PDIA5: variants seen among roughly 807,000 people sequenced by gnomAD.
PDIA5 encodes the protein protein disulfide isomerase family A member 5.
PDIA5 carries 58 observed loss-of-function variants against 77.6 expected under a neutral mutation model. That is an observed-to-expected ratio of 0.75 (90% confidence interval 0.61 to 0.93). The LOEUF (loss-of-function observed/expected upper bound fraction) is 0.93, where lower values mean the gene tolerates loss of function less well. Among genes scored for constraint, PDIA5 ranks in the 40% least tolerant of loss-of-function variants. The pLI, the probability that PDIA5 is intolerant of heterozygous loss-of-function variation, is 0.00. For synonymous variants in PDIA5, 250 were observed against 252.1 expected (o/e 0.99, Z 0.08); for missense variants, 630 against 647.7 (o/e 0.97, Z 0.30).
chr3:123,150,438 A>C (rs1576465179), intron 14 of PDIA5, 74 bp downstream of exon 14: 1 of 1,464,908 alleles, frequency 6.8e-7, no homozygotes. Flanking sequence ...AGACCCGCAC[A>C]CCCACCCCAG....
intron 3 of PDIA5, among the ~76,000 whole-genome samples, chr3:123,100,251 G>A (rs1269255176): frequency 6.6e-6 from 1 of 152,250 alleles, no homozygotes; most frequent in Non-Finnish European, 1.5e-5. Flanking sequence ...TTCTCAAACA[G>A]ACCCACCACC....
chr3:123,148,931 A>G (rs986039176), intron 13 of PDIA5, among the ~76,000 whole-genome samples: 2 of 152,228 alleles, frequency 1.3e-5, no homozygotes, highest in African/African-American at 2.4e-5. Context: ...TGGCATTTAC[A>G]GGCAGGTGCA....
At chr3:123,091,587 G>A (rs917895281) in intron 2 of PDIA5, among the ~76,000 whole-genome samples, 2 of 152,120 alleles carry the variant, frequency 1.3e-5, no homozygotes, top group Admixed American at 6.5e-5. Flanking sequence ...AGTAGTATCC[G>A]GGTGCCTTGC....
intron 8 of PDIA5, among the ~76,000 whole-genome samples, chr3:123,120,023 C>G (rs1305596985): frequency 2.6e-5 from 4 of 152,198 alleles, no homozygotes; most frequent in Non-Finnish European, 5.9e-5. Context: ...TCTGTCCCAT[C>G]TACTCCTGCT....
chr3:123,152,099 GCC>G (rs1935926416), intron 14 of PDIA5, among the ~76,000 whole-genome samples: 1 of 79,508 alleles, frequency 1.3e-5, no homozygotes, highest in Non-Finnish European at 2.7e-5. Context: ...CTGCCTTCCT[GCC>G]TTCCTTCCTT....
chr3:123,157,043 G>A (rs957445101), intron 15 of PDIA5, among the ~76,000 whole-genome samples: 3 of 152,200 alleles, frequency 2.0e-5, no homozygotes, highest in African/African-American at 7.2e-5. Context: ...TTGCTTGATT[G>A]TCTTGGGCCA....
intron 3 of PDIA5, among the ~76,000 whole-genome samples, chr3:123,101,561 C>T (rs898111079): frequency 1.3e-5 from 2 of 152,178 alleles, no homozygotes; most frequent in Admixed American, 6.5e-5. Flanking sequence ...GGCCAGATTT[C>T]ATAACTTCTT....
Position 123,145,691 on chromosome 3 carries a change from G to T in PDIA5, c.981+99G>T, listed in dbSNP as rs556748291. 15 of 1,004,630 alleles carry T rather than the reference G, an allele frequency of 1.5e-5. No homozygotes were observed. In the South Asian group the frequency reaches 1.8e-4, roughly 12 times the overall value. 62.2% of individuals were successfully genotyped at this position (1,004,630 alleles called of 1,614,324 possible). ...CCCTGCAAGCCCTGCTGCAGCTCCC[G>T]TGGTCCGTGGAGGCCAGCAGTACCT... On this transcript the variant is annotated intron_variant, in intron 12 of 16. Transcript: ENST00000316218.
chr3:123,069,334 A>G (rs1439242127), intron 1 of PDIA5, among the ~76,000 whole-genome samples: 1 of 152,198 alleles, frequency 6.6e-6, no homozygotes, highest in Non-Finnish European at 1.5e-5. Flanking sequence ...GTACAGGGAT[A>G]TACACCCACC....
intron 11 of PDIA5, among the ~76,000 whole-genome samples, chr3:123,139,890 C>A (rs1051377828): frequency 6.6e-6 from 1 of 152,170 alleles, no homozygotes; most frequent in Non-Finnish European, 1.5e-5. Context: ...CGAGCCCCTG[C>A]CTGCACATAC....
At chr3:123,120,398 T>G (rs181630191) in intron 8 of PDIA5, among the ~76,000 whole-genome samples, 1 of 152,296 alleles carries the variant, frequency 6.6e-6, no homozygotes, top group Admixed American at 6.5e-5. Flanking sequence ...AAATGGGCTG[T>G]GTGGAAGAAG....
Position 123,161,398 on chromosome 3 carries a change from C to T in PDIA5, c.1422C>T (p.Pro474=). 1.9e-6 allele frequency: 3 copies of T among 1,614,184 alleles called. No individual in the cohort carries two copies. Among genetic ancestry groups the T allele is most frequent in the African/African-American group, 1.3e-5 (1 of 75,060 alleles). The part of the protein sequence containing the change: ...LCQQEAVKGY[P]TFHYYHYGKF... The stretch of plus-strand genomic sequence containing the variant: ...AGCAGGAGGCGGTCAAGGGCTACCC[C>T]ACTTTCCACTACTACCACTATGGGA... The change falls in exon 16 of 17, where the codon CCC becomes CCT. Residue 474 remains proline, a synonymous_variant. Coordinates refer to ENST00000316218, the MANE Select transcript of PDIA5 (RefSeq NM_006810.4).
chr3:123,161,645 C>A, intron 16 of PDIA5, 190 bp downstream of exon 16: 1 of 668,278 alleles, frequency 1.5e-6, no homozygotes, highest in Non-Finnish European at 2.5e-6. Context: ...CAAGGGGTTG[C>A]CACAGATGTC....
chr3:123,081,879 C>T (rs866329847), intron 1 of PDIA5, among the ~76,000 whole-genome samples: 2 of 152,198 alleles, frequency 1.3e-5, no homozygotes, highest in African/African-American at 2.4e-5. Context: ...TATCTCCCAG[C>T]GTGCTGGGAC....
intron 13 of PDIA5, among the ~76,000 whole-genome samples, chr3:123,149,204 A>G (rs1028168892): frequency 6.6e-6 from 1 of 152,226 alleles, no homozygotes; most frequent in African/African-American, 2.4e-5. Flanking sequence ...ATTTGAGGTT[A>G]CAATGGGACT....
intron 3 of PDIA5, among the ~76,000 whole-genome samples, chr3:123,097,290 G>T (rs937795042): frequency 6.6e-6 from 1 of 152,146 alleles, no homozygotes; most frequent in African/African-American, 2.4e-5. Flanking sequence ...TGCACTTGTT[G>T]GAGTGACACA....
intron 8 of PDIA5, among the ~76,000 whole-genome samples, chr3:123,117,717 A>G (rs1207720269): frequency 6.6e-6 from 1 of 151,432 alleles, no homozygotes; most frequent in Non-Finnish European, 1.5e-5. Context: ...TTCTTCATAC[A>G]CTCATCTGTT....
At position 123,160,771 on chromosome 3, in the gene PDIA5, C is replaced by A. The variant is rs146613627; in HGVS notation, c.1345-550C>A. Among the ~76,000 whole-genome samples the A allele has an allele frequency of 2.0e-5, 3 of 152,286 alleles. No individual in the cohort carries two copies. The East Asian group carries it at 5.8e-4, about 29-fold the overall frequency. On this transcript the variant is annotated intron_variant, in intron 15 of 16. Coordinates refer to ENST00000316218, the MANE Select transcript of PDIA5 (RefSeq NM_006810.4). ...TTCTCTTATTCAGTCTTCACAATATCCTGATAGCCTAGATACTATTATTAT... is the reference window on the plus strand; with the variant it reads ...TTCTCTTATTCAGTCTTCACAATATACTGATAGCCTAGATACTATTATTAT...
At chr3:123,085,484 C>G (rs888087238) in intron 1 of PDIA5, among the ~76,000 whole-genome samples, 3 of 152,190 alleles carry the variant, frequency 2.0e-5, no homozygotes, top group African/African-American at 7.2e-5. Context: ...GCTTGGCTGA[C>G]TGGCTGGAAG....
Sources: gnomAD v4.1 joint callset for allele counts (sites outside exome capture counted in the v4.1 genomes callset) on GRCh38, gnomAD v4.1.1 for gene constraint, MANE v1.5 for transcripts, NCBI Gene and HGNC (gene_info 2026-07-23, HGNC 2026-07-21) for gene names.